The following ZNF71 variants were observed in gnomAD, a reference collection of about 807,000 sequenced individuals.
ZNF71 encodes zinc finger protein 71, also known as endothelial zinc finger protein induced by tumor necrosis factor alpha.
In ZNF71, 3 loss-of-function variants were observed where a neutral mutation model predicts 6.7. The observed-to-expected ratio is 0.45, with a 90% CI of 0.20 to 1.16. ZNF71 has a LOEUF of 1.16. Ranked by LOEUF, ZNF71 falls within the 50% of genes most tolerant of loss-of-function variation. The pLI is 0.25. For missense variants in ZNF71, 688 were observed against 728.6 expected, an observed-to-expected ratio of 0.94 and a Z score of 0.64; for synonymous variants, 343 against 311.1, an observed-to-expected ratio of 1.10 and a Z score of -1.08.
chr19:56,601,459 G>T, intron 1 of ZNF71, 48 bp from the exon 2 acceptor site: 1 of 867,186 alleles, frequency 1.2e-6, no homozygotes, highest in Non-Finnish European at 1.4e-6. Context: ...TGTGAGGCCA[G>T]CCTAGGCCTG....
At position 56,598,335 on chromosome 19, in the gene ZNF71, A is replaced by G. The variant is rs1184384212; in HGVS notation, c.-53+2907A>G. 1.3e-5 allele frequency among the ~76,000 whole-genome samples: 2 copies of G among 151,942 alleles called. No homozygotes were observed. Among genetic ancestry groups the G allele is most frequent in the African/African-American group, 4.8e-5 (2 of 41,366 alleles). Reference sequence around the variant, plus strand: ...CAAGCATGGGAGAGGGGAGTAGAGGAGATGGAAGGGGAGAGGCCATCAGGG... The same window carrying G: ...CAAGCATGGGAGAGGGGAGTAGAGGGGATGGAAGGGGAGAGGCCATCAGGG... On this transcript the variant is annotated intron_variant, in intron 1 of 3. Transcript: ENST00000599599. This position sits in a 1 kb window ranked among gnomAD's most constrained non-coding sequence, Gnocchi z 4.2.
Position 56,621,866 on chromosome 19 carries a change from G to A in ZNF71, c.759G>A (p.Lys253=), listed in dbSNP as rs755195979. The A allele has an allele frequency of 6.2e-7, 1 of 1,612,126 alleles. No individual in the cohort carries two copies. The highest frequency in any genetic ancestry group is 1.1e-5 in the South Asian group (1 of 91,076). The change falls in exon 4 of 4, where the codon AAG becomes AAA. Residue 253 remains lysine, a synonymous_variant. Transcript: ENST00000599599. The part of the protein sequence containing the change: ...EKPYACGDCG[K]AFSQRMNLTV... ...CCTATGCCTGCGGGGACTGCGGCAA[G>A]GCCTTCAGCCAGCGCATGAACCTCA...
Position 56,600,185 on chromosome 19 carries a change from A to ATTTTT in ZNF71, c.-52-1303_-52-1299dup, listed in dbSNP as rs1169322389. Among the ~76,000 whole-genome samples, 6 of 24,928 alleles carry ATTTTT rather than the reference A, an allele frequency of 2.4e-4. 1 individual carries two copies. In the African/African-American group the frequency reaches 3.0e-3, roughly 12 times the overall value. 16.4% of individuals were successfully genotyped at this position (24,928 alleles called of 152,430 possible). A position where few individuals can be genotyped will look rare whatever the true frequency, so the allele number is the denominator to read the frequency against. On this transcript the variant is annotated intron_variant, in intron 1 of 3. Transcript: ENST00000599599. ...ATCTTGGCTCACTGCAACCCTCTGT[A>ATTTTT]TTTTTTTTTTTTTTTTTTTTTTTGA... is the stretch of plus-strand genomic sequence containing the variant.
chr19:56,607,736 TG>T (rs2044720830), intron 2 of ZNF71, among the ~76,000 whole-genome samples: 1 of 152,230 alleles, frequency 6.6e-6, no homozygotes, highest in Admixed American at 6.5e-5. Context: ...CTGTATTACT[TG>T]TGGCTGTGTA....
At chr19:56,617,586 C>T (rs115442558) in intron 3 of ZNF71, among the ~76,000 whole-genome samples, 3,184 of 152,268 alleles carry the variant, frequency 0.021, 53 homozygotes, top group African/African-American at 0.045. Context: ...CGGCTTTTGG[C>T]GAAAGTGCCC....
rs774341089 is a variant in ZNF71, at chr19:56,622,280, C to A, written c.1173C>A (p.Cys391Ter). Residue 391 changes from cysteine to a stop codon, truncating the protein, a stop_gained, in exon 4 of 4, where the codon TGC becomes TGA. Transcript: ENST00000599599. LOFTEE classifies it low-confidence loss of function (END_TRUNC). ...TGEKPYVCGECGKAFSQSSYL... is the reference protein window; with the variant it reads ...TGEKPYVCGE ...AGAAGCCCTACGTGTGCGGCGAGTG[C>A]GGCAAGGCCTTCAGCCAGAGCTCCT... The A allele has an allele frequency of 6.2e-7, 1 of 1,609,600 alleles. No individual in the cohort carries two copies. Among genetic ancestry groups the A allele is most frequent in the East Asian group, 2.2e-5 (1 of 44,852 alleles).
In ZNF71 at chr19:56,623,896, C is replaced by T. The variant is rs1367843276; in HGVS notation, c.*1139C>T. 6.0e-6 allele frequency: 1 copy of T among 167,074 alleles called. No homozygotes were observed. The highest frequency in any genetic ancestry group is 1.9e-4 in the East Asian group (1 of 5,184). The allele number at this position is 167,074 out of a possible 1,614,324, so 10.3% of individuals were successfully genotyped here. A position where few individuals can be genotyped will look rare whatever the true frequency, so the allele number is the denominator to read the frequency against. The stretch of plus-strand genomic sequence containing the variant: ...CAAGGGCCCTGACCTCATGACCTCC[C>T]AAAGGTCCTCCCTCTTCATACTGTT... On this transcript the variant is annotated 3_prime_UTR_variant, in exon 4 of 4. Transcript: ENST00000599599.
In ZNF71 at chr19:56,623,092, C is replaced by T. The variant is rs2044878372; in HGVS notation, c.*335C>T. The T allele has an allele frequency of 3.3e-6, 1 of 300,140 alleles. No homozygotes were observed. The highest frequency in any genetic ancestry group is 2.2e-5 in the African/African-American group (1 of 46,144). 18.6% of individuals were successfully genotyped at this position (300,140 alleles called of 1,614,324 possible). ...GGACAGGTCACGCCTGCCTCCACAT[C>T]TCTGTTTCTTCAGCGGGAAAGTGGA... On this transcript the variant is annotated 3_prime_UTR_variant, in exon 4 of 4. Transcript: ENST00000599599.
Position 56,621,813 on chromosome 19 carries a change from C to A in ZNF71, c.706C>A (p.His236Asn), listed in dbSNP as rs2044853277. Residue 236 changes from histidine to asparagine, a missense_variant, in exon 4 of 4, where the codon CAC becomes AAC. Transcript: ENST00000599599. The part of the protein sequence containing the change: ...HFIERSSLTI[H>N]QRVHTGEKPY... ...CATCGAGCGCTCGTCCCTCACCATC[C>A]ACCAGCGGGTGCACACGGGCGAGAA... 1 of 1,612,056 alleles carries A rather than the reference C, an allele frequency of 6.2e-7. No homozygotes were observed. Among genetic ancestry groups the A allele is most frequent in the Admixed American group, 1.7e-5 (1 of 60,006 alleles).
chr19:56,621,822 G>A lies in ZNF71; in HGVS notation c.715G>A (p.Val239Met), dbSNP rs143688776. The change falls in exon 4 of 4, where the codon GTG (valine) becomes ATG (methionine). Residue 239 changes from valine to methionine, a missense_variant. Transcript: ENST00000599599. ...CTCGTCCCTCACCATCCACCAGCGG[G>A]TGCACACGGGCGAGAAGCCCTATGC... is the stretch of plus-strand genomic sequence containing the variant. The part of the protein sequence containing the change: ...ERSSLTIHQR[V>M]HTGEKPYACG... 6.2e-6 allele frequency: 10 copies of A among 1,611,960 alleles called. No individual in the cohort carries two copies. Among genetic ancestry groups the A allele is most frequent in the Non-Finnish European group, 6.8e-6 (8 of 1,178,176 alleles).
chr19:56,620,703 T>TA (rs996843024), intron 3 of ZNF71, among the ~76,000 whole-genome samples: 2 of 151,360 alleles, frequency 1.3e-5, no homozygotes, highest in African/African-American at 2.4e-5. Flanking sequence ...GGCTAATTTT[T>TA]AAAAAAAAAT....
Position 56,622,574 on chromosome 19 carries a change from G to A in ZNF71, c.1467G>A (p.Gln489=). The change falls in exon 4 of 4, where the codon CAG becomes CAA. Residue 489 remains glutamine (Q), a synonymous_variant. Coordinates refer to ENST00000599599, the MANE Select transcript of ZNF71 (RefSeq NM_001370215.1). The stretch of plus-strand genomic sequence containing the variant: ...AGAGCGCCTACCTCATCGAGCACCA[G>A]CGGATCCACACCGGCGAGAAGCCGT... ...FSQSAYLIEH[Q]RIHTGEKPYR... 6.2e-7 allele frequency: 1 copy of A among 1,613,720 alleles called. No individual in the cohort carries two copies. Among genetic ancestry groups the A allele is most frequent in the Non-Finnish European group, 8.5e-7 (1 of 1,179,644 alleles).
intron 1 of ZNF71, among the ~76,000 whole-genome samples, chr19:56,600,097 T>G (rs1037335466): frequency 4.2e-5 from 4 of 95,752 alleles, no homozygotes; most frequent in African/African-American, 2.2e-4. Context: ...TTGGGGTTTG[T>G]TTTTTTTTTT....
rs1346164664 is a variant in ZNF71 at position 56,618,401 on chromosome 19, A to G, written c.161-2867A>G. On this transcript the variant is annotated intron_variant, in intron 3 of 3. Transcript: ENST00000599599. This position sits in a 1 kb window ranked among gnomAD's most constrained non-coding sequence, Gnocchi z 4.6. ...TCAGCACTGTGCCAGGCGTGTTGCC[A>G]GTGCTCCATACTCGCTTATCTGGTA... Among the ~76,000 whole-genome samples the G allele has an allele frequency of 1.3e-5, 2 of 152,236 alleles. No homozygotes were observed. The highest frequency in any genetic ancestry group is 2.9e-5 in the Non-Finnish European group (2 of 68,036).
At chr19:56,596,872 C>G (rs1007558437) in intron 1 of ZNF71, among the ~76,000 whole-genome samples, 1 of 152,078 alleles carries the variant, frequency 6.6e-6, no homozygotes, top group Non-Finnish European at 1.5e-5. Context: ...AGGGAATCCC[C>G]GCTTGGAAAC....
chr19:56,596,184 G>C (rs1383834568), intron 1 of ZNF71, among the ~76,000 whole-genome samples: 2 of 152,012 alleles, frequency 1.3e-5, no homozygotes, highest in Admixed American at 6.6e-5. Context: ...TGTCCACTAT[G>C]TCTGCTCTTT....
intron 3 of ZNF71, among the ~76,000 whole-genome samples, chr19:56,617,844 C>T (rs1401142265): frequency 6.6e-6 from 1 of 152,130 alleles, no homozygotes; most frequent in Non-Finnish European, 1.5e-5. Flanking sequence ...GTATGCTGCC[C>T]CCAGCTCTCC....
At chr19:56,609,821 G>A (rs1304777012) in intron 2 of ZNF71, 1 of 151,272 alleles carries the variant, frequency 6.6e-6, no homozygotes, top group African/African-American at 2.4e-5. Flanking sequence ...TGAGGCATAC[G>A]GTATGGATTT....
chr19:56,622,143 A>G lies in ZNF71; in HGVS notation c.1036A>G (p.Thr346Ala). The change falls in exon 4 of 4, where the codon ACC becomes GCC. Residue 346 changes from threonine to alanine, a missense_variant. Coordinates refer to ENST00000599599, the MANE Select transcript of ZNF71 (RefSeq NM_001370215.1). The part of the protein sequence containing the change: ...GRAFSQNMHL[T>A]EHQRTHTGEK... ...AGCCTTCAGCCAGAACATGCACCTG[A>G]CCGAGCACCAGCGCACGCACACCGG... is the stretch of plus-strand genomic sequence containing the variant. The G allele has an allele frequency of 6.2e-7, 1 of 1,613,484 alleles. No homozygotes were observed. The highest frequency in any genetic ancestry group is 8.5e-7 in the Non-Finnish European group (1 of 1,179,634).
Sources: gnomAD v4.1 joint callset for allele counts (sites outside exome capture counted in the v4.1 genomes callset) on GRCh38, gnomAD v4.1.1 for gene constraint, Gnocchi (gnomAD v3.1) non-coding constraint, MANE v1.5 for transcripts, NCBI Gene and HGNC (gene_info 2026-07-23, HGNC 2026-07-21) for gene names.